Variants in DSE observed in about 807,000 individuals in gnomAD.
The protein encoded by DSE is dermatan-sulfate epimerase.
Under a neutral mutation model 84.4 loss-of-function variants are expected in DSE, and 36 were observed. The observed-to-expected ratio is 0.43, with a 90% CI of 0.33 to 0.56. The LOEUF (loss-of-function observed/expected upper bound fraction) is 0.56. DSE is among the 20% of genes least tolerant of loss of function. The pLI, the probability that DSE is intolerant of heterozygous loss-of-function variation, is 0.06. For synonymous variants in DSE, 410 were observed against 430.1 expected (o/e 0.95, Z 0.58); for missense variants, 862 against 1,169.6 (o/e 0.74, Z 3.84).
chr6:116,414,762 T>C (rs1583200241), intron 2 of DSE, among the ~76,000 whole-genome samples: 1 of 152,376 alleles, frequency 6.6e-6, no homozygotes, highest in South Asian at 2.1e-4. Flanking sequence ...AACTATATTG[T>C]ATACTGTAAT....
intron 1 of DSE, among the ~76,000 whole-genome samples, chr6:116,378,987 C>A (rs1178001819): frequency 1.3e-5 from 2 of 152,110 alleles, no homozygotes; most frequent in African/African-American, 4.8e-5. Context: ...CTTCTTATTG[C>A]AGTGTTTATG....
intron 2 of DSE, among the ~76,000 whole-genome samples, chr6:116,303,166 T>G (rs1775139773): frequency 6.6e-6 from 1 of 152,156 alleles, no homozygotes; most frequent in South Asian, 2.1e-4. Context: ...GCTATTTGCT[T>G]TGCTTGAATT....
chr6:116,277,165 T>A (rs2114627734), intron 2 of DSE: 1 of 152,682 alleles, frequency 6.5e-6, no homozygotes, highest in Admixed American at 6.5e-5. Context: ...TTTTACTAAA[T>A]CCTAATGAAA....
chr6:116,255,310 A>G (rs1240306200), intron 1 of DSE: 1 of 152,232 alleles, frequency 6.6e-6, no homozygotes, highest in Non-Finnish European at 1.5e-5. Flanking sequence ...TTAGAGGAAT[A>G]CATCATATAT....
intron 2 of DSE, among the ~76,000 whole-genome samples, chr6:116,403,012 T>C (rs1781691273): frequency 6.6e-6 from 1 of 152,236 alleles, no homozygotes; most frequent in Non-Finnish European, 1.5e-5. Flanking sequence ...AATTGTACTC[T>C]GTCCATCTAA....
At chr6:116,283,182 G>A (rs971037708) in intron 2 of DSE, among the ~76,000 whole-genome samples, 5 of 152,140 alleles carry the variant, frequency 3.3e-5, no homozygotes, top group Admixed American at 6.5e-5. Context: ...GCATTAAAGT[G>A]TCAAATTTCA....
chr6:116,404,139 A>G (rs1781771507), intron 2 of DSE, among the ~76,000 whole-genome samples: 1 of 152,230 alleles, frequency 6.6e-6, no homozygotes, highest in African/African-American at 2.4e-5. Context: ...AGCTCTTGGT[A>G]GATGGGTTGC....
chr6:116,372,881 C>T (rs1779691184), intron 1 of DSE, among the ~76,000 whole-genome samples: 1 of 152,168 alleles, frequency 6.6e-6, no homozygotes, highest in Non-Finnish European at 1.5e-5. Context: ...ACCTGAGAAA[C>T]ATCAATAAGC....
At chr6:116,423,833 G>A (rs939819977) in intron 2 of DSE, among the ~76,000 whole-genome samples, 2 of 152,178 alleles carry the variant, frequency 1.3e-5, no homozygotes, top group Non-Finnish European at 2.9e-5. Flanking sequence ...TTACAGGTCA[G>A]CTTTTCTAAT....
chr6:116,389,448 AGT>A (rs1780758835), intron 1 of DSE, among the ~76,000 whole-genome samples: 1 of 152,068 alleles, frequency 6.6e-6, no homozygotes, highest in South Asian at 2.1e-4. Flanking sequence ...CCAACCAGTC[AGT>A]GAGACAAATA....
chr6:116,415,611 T>A (rs1314903430), intron 2 of DSE, among the ~76,000 whole-genome samples: 1 of 151,446 alleles, frequency 6.6e-6, no homozygotes, highest in African/African-American at 2.4e-5. Context: ...TTTTTTTTTT[T>A]CCTCTGCTGT....
intron 1 of DSE, among the ~76,000 whole-genome samples, chr6:116,376,396 G>T (rs995326201): frequency 2.0e-5 from 3 of 152,202 alleles, no homozygotes; most frequent in Non-Finnish European, 4.4e-5. Context: ...TCTTTCAGAT[G>T]CCCAGAAGAG....
At chr6:116,344,405 A>G (rs1253326456) in intron 2 of DSE, among the ~76,000 whole-genome samples, 3 of 152,232 alleles carry the variant, frequency 2.0e-5, no homozygotes, top group Non-Finnish European at 4.4e-5. Flanking sequence ...TTACCTACGA[A>G]GAGAAGCCCA....
chr6:116,284,169 T>C (rs928040559), intron 2 of DSE, among the ~76,000 whole-genome samples: 2 of 152,260 alleles, frequency 1.3e-5, no homozygotes, highest in African/African-American at 4.8e-5. Flanking sequence ...TTGGGAATGA[T>C]TTCTCAGGTA....
At chr6:116,370,071 C>T (rs929339849), upstream of DSE, 7 of 769,078 alleles carry the variant, frequency 9.1e-6, no homozygotes, top group African/African-American at 5.4e-5. Flanking sequence ...CCTGGTTGGA[C>T]CTGGCTGAGC....
At chr6:116,424,231 T>C (rs762810729) in intron 2 of DSE, among the ~76,000 whole-genome samples, 54 of 152,300 alleles carry the variant, frequency 3.5e-4, no homozygotes, top group Non-Finnish European at 5.3e-4. Context: ...TATTCCCAAC[T>C]CCCTGGCAAT....
Position 116,258,591 on chromosome 6 carries a change from C to T in DSE, c.-430C>T, listed in dbSNP as rs752059536. 12 of 1,609,958 alleles carry T rather than the reference C, an allele frequency of 7.5e-6. No individual in the cohort carries two copies. In the Admixed American group the frequency reaches 2.0e-4, roughly 27 times the overall value. On this transcript the variant is annotated 5_prime_UTR_variant, in exon 2 of 4. Coordinates refer to the DSE transcript ENST00000430252. ...AGCCCTTGGCAGCATTGATGAGCTC[C>T]TCTGCCAGGCACTCAGCAATGGTCT...
At chr6:116,325,925 C>T (rs192858914) in intron 2 of DSE, among the ~76,000 whole-genome samples, 295 of 152,210 alleles carry the variant, frequency 1.9e-3, no homozygotes, top group African/African-American at 6.2e-3. Context: ...ATGAGAGGAT[C>T]GTGATCGAGT....
At chr6:116,376,638 C>T (rs1272880875) in intron 1 of DSE, among the ~76,000 whole-genome samples, 1 of 152,136 alleles carries the variant, frequency 6.6e-6, no homozygotes, top group East Asian at 1.9e-4. Context: ...ATTTTGTAAA[C>T]ATGATTTTGG....
Sources: allele counts gnomAD v4.1 joint callset (sites outside exome capture counted in the v4.1 genomes callset), GRCh38; gene constraint gnomAD v4.1.1; transcripts MANE v1.5; gene names NCBI Gene and HGNC (gene_info 2026-07-23, HGNC 2026-07-21).